ACACA: variants seen among roughly 807,000 people sequenced by gnomAD.
ACACA encodes the protein acetyl-CoA carboxylase alpha.
A neutral mutation model predicts 296.1 loss-of-function variants in ACACA; 103 were observed. The ratio of observed to expected loss-of-function variants is 0.35; its 90% CI spans 0.30 to 0.41. ACACA has a LOEUF of 0.41. Among genes scored for constraint, ACACA ranks in the 10% least tolerant of loss-of-function variants. The probability of loss-of-function intolerance (pLI) is 1.00; values close to 1 mark genes in which losing one functional copy is unlikely to be tolerated. For missense variants in ACACA, 1,554 were observed against 2,989.7 expected (o/e 0.52, Z 11.20); for synonymous variants, 953 against 1,038.6 (o/e 0.92, Z 1.58).
intron 3 of ACACA, among the ~76,000 whole-genome samples, chr17:37,310,773 AAC>A (rs2084092885): frequency 6.7e-6 from 1 of 149,484 alleles, no homozygotes; most frequent in Non-Finnish European, 1.5e-5. Context: ...TACCCTGGGC[AAC>A]AGAGCGAGAC....
Position 37,173,999 on chromosome 17 carries a change from TATATATATATATATA to T in ACACA, c.5079+5246_5079+5260del, listed in dbSNP as rs1185967946. On this transcript the variant is annotated intron_variant, in intron 41 of 55. Coordinates refer to ENST00000616317, the MANE Select transcript of ACACA (RefSeq NM_198834.3). ...TGGCTAATTTATATATATATATATA[TATATATATATATATA>T]TATATATTTTTTTTTTTTTTTTTTT... Among the ~76,000 whole-genome samples the T allele has an allele frequency of 1.8e-3, 19 of 10,612 alleles. 2 individuals carry two copies. The highest frequency in any genetic ancestry group is 8.3e-3 in the South Asian group (3 of 362). 7.0% of individuals were successfully genotyped at this position (10,612 alleles called of 152,430 possible).
At chr17:37,274,661 G>C in intron 8 of ACACA, 1 of 985,406 alleles carries the variant, frequency 1.0e-6, no homozygotes, top group South Asian at 4.7e-5. Flanking sequence ...GGGCCAAGAG[G>C]TCTGGGAAAT....
Position 37,206,711 on chromosome 17 carries a change from CAGAA to C in ACACA, c.3948+68_3948+71del, listed in dbSNP as rs2078516445. 5.5e-6 allele frequency: 7 copies of C among 1,279,796 alleles called. No homozygotes were observed. The East Asian group carries it at 1.6e-4, about 30-fold the overall frequency. 79.3% of individuals were successfully genotyped at this position (1,279,796 alleles called of 1,614,324 possible). On this transcript the variant is annotated intron_variant, in intron 32 of 55. Coordinates refer to ENST00000616317, the MANE Select transcript of ACACA (RefSeq NM_198834.3). ...ATTCTTTCCTATAATAGTTCAAAGTCAGAAAGATAGTATACAGTAGAAGTCCCAT... is the reference window on the plus strand; with the variant it reads ...ATTCTTTCCTATAATAGTTCAAAGTCAGATAGTATACAGTAGAAGTCCCAT...
At chr17:37,100,987 C>T (rs1002729559) in intron 52 of ACACA, among the ~76,000 whole-genome samples, 6 of 151,788 alleles carry the variant, frequency 4.0e-5, no homozygotes, top group African/African-American at 1.5e-4. Context: ...ATCCCAGCTA[C>T]TCAGGAGGCT....
intron 3 of ACACA, among the ~76,000 whole-genome samples, chr17:37,320,325 A>T (rs2047292622): frequency 6.6e-6 from 1 of 151,908 alleles, no homozygotes; most frequent in African/African-American, 2.4e-5. Context: ...CAGCTGGCCA[A>T]CATGGCGAAA....
chr17:37,365,870 T>G (rs1170881947), intron 1 of ACACA: 3 of 333,576 alleles, frequency 9.0e-6, no homozygotes, highest in African/African-American at 6.7e-5. Context: ...TCCTTCCTTA[T>G]CCAATGGCAA....
At chr17:37,195,011 G>A (rs992970677) in intron 35 of ACACA, among the ~76,000 whole-genome samples, 7 of 151,710 alleles carry the variant, frequency 4.6e-5, no homozygotes, top group South Asian at 4.1e-4. Flanking sequence ...CTGAGGTGTC[G>A]ATAAATATCA....
intron 1 of ACACA, among the ~76,000 whole-genome samples, chr17:37,363,185 T>TTTTTTC (rs2049477622): frequency 2.5e-5 from 3 of 120,632 alleles, no homozygotes; most frequent in African/African-American, 1.0e-4. Flanking sequence ...TTTTCTTTTT[T>TTTTTTC]TTTTTTTTTT....
chr17:37,406,214 C>A, intron 1 of ACACA, 48 bp downstream of exon 1: 5 of 1,599,254 alleles, frequency 3.1e-6, no homozygotes, highest in Non-Finnish European at 4.3e-6. Context: ...CAAATGGTAG[C>A]TATTAGAATC....
chr17:37,332,607 C>CA (rs35940399), intron 2 of ACACA, among the ~76,000 whole-genome samples: 2,341 of 63,782 alleles, frequency 0.037, 42 homozygotes, highest in African/African-American at 0.1. Flanking sequence ...CCCATCTGTA[C>CA]AAAAAAAAAA....
intron 45 of ACACA, among the ~76,000 whole-genome samples, 198 bp from the exon 46 acceptor site, chr17:37,130,416 G>T (rs932423863): frequency 6.6e-6 from 1 of 151,972 alleles, no homozygotes; most frequent in African/African-American, 2.4e-5. Flanking sequence ...AGATTGACGC[G>T]CTGCCAGCTG....
Position 37,331,220 on chromosome 17 carries a change from C to A in ACACA, c.86-795G>T, listed in dbSNP as rs56125911. On this transcript the variant is annotated intron_variant, in intron 2 of 55. Coordinates refer to ENST00000616317, the MANE Select transcript of ACACA (RefSeq NM_198834.3). The stretch of plus-strand genomic sequence containing the variant: ...GCAAGCTCCGCCTCCCGGGTTCATG[C>A]CATTCTCCTGCCTCAGCCTCCTGAG... Among the ~76,000 whole-genome samples the A allele has an allele frequency of 4.7e-5, 7 of 150,332 alleles. No individual in the cohort carries two copies. In the East Asian group the frequency reaches 1.4e-3, roughly 30 times the overall value.
rs17848775 is a variant in ACACA at position 37,192,321 on chromosome 17, A to G, written c.4201-16T>C. The stretch of plus-strand genomic sequence containing the variant: ...CCTCCTCAAACTGAGTACAAGAATC[A>G]GAGAAAAAACAGCTCACAAGAGGCA... On this transcript the variant is annotated splice_polypyrimidine_tract_variant and intron_variant, in intron 36 of 55. Transcript: ENST00000616317. 18,126 of 1,612,252 alleles carry G rather than the reference A, an allele frequency of 0.011. 217 individuals are homozygous for G. Among genetic ancestry groups the G allele is most frequent in the East Asian group, 0.052 (2,321 of 44,850 alleles).
At chr17:37,293,662 C>A (rs1278880149) in intron 3 of ACACA, among the ~76,000 whole-genome samples, 2 of 151,486 alleles carry the variant, frequency 1.3e-5, no homozygotes, top group Non-Finnish European at 2.9e-5. Context: ...CCAGCCTCAG[C>A]CCCCCAGTAG....
At chr17:37,295,156 G>A (rs186686619) in intron 3 of ACACA, among the ~76,000 whole-genome samples, 12 of 152,290 alleles carry the variant, frequency 7.9e-5, no homozygotes, top group Non-Finnish European at 1.3e-4. Context: ...TGTGCCACAC[G>A]TAGGGATCAG....
At chr17:37,198,431 T>C (rs1055394325) in intron 35 of ACACA, among the ~76,000 whole-genome samples, 7 of 152,218 alleles carry the variant, frequency 4.6e-5, no homozygotes, top group African/African-American at 1.7e-4. Flanking sequence ...AATACTCTTC[T>C]AAAATCCAGG....
intron 1 of ACACA, among the ~76,000 whole-genome samples, chr17:37,364,463 G>A (rs774723922): frequency 1.1e-4 from 16 of 151,502 alleles, no homozygotes; most frequent in Non-Finnish European, 1.9e-4. Flanking sequence ...GCATGGTGGC[G>A]GGCACCTATA....
chr17:37,246,786 T>C (rs990682373), intron 19 of ACACA, 40 bp downstream of exon 19: 1 of 1,610,638 alleles, frequency 6.2e-7, no homozygotes, highest in Non-Finnish European at 8.5e-7. Flanking sequence ...TTTTCCTACC[T>C]TCCCCTCCCA....
At chr17:37,148,623 T>C (rs2075912834) in intron 45 of ACACA, among the ~76,000 whole-genome samples, 1 of 152,232 alleles carries the variant, frequency 6.6e-6, no homozygotes, top group Non-Finnish European at 1.5e-5. Context: ...TAATATCTGA[T>C]ACAATTTAGT....
Sources: allele counts gnomAD v4.1 joint callset (sites outside exome capture counted in the v4.1 genomes callset), GRCh38; gene constraint gnomAD v4.1.1; transcripts MANE v1.5; gene names NCBI Gene and HGNC (gene_info 2026-07-23, HGNC 2026-07-21).